CTNNA2: variants seen among roughly 807,000 people sequenced by gnomAD.
CTNNA2 encodes the protein catenin alpha 2, also known as catenin alpha-2.
A neutral mutation model predicts 101.0 loss-of-function variants in CTNNA2; 42 were observed. The ratio of observed to expected loss-of-function variants is 0.42; its 90% CI spans 0.32 to 0.54. CTNNA2 has a LOEUF of 0.54. Among genes scored for constraint, CTNNA2 ranks in the 20% least tolerant of loss-of-function variants. The pLI, the probability that CTNNA2 is intolerant of heterozygous loss-of-function variation, is 0.14. For missense variants in CTNNA2, 871 were observed against 1,223.1 expected (o/e 0.71, Z 4.29); for synonymous variants, 450 against 456.4 (o/e 0.99, Z 0.18).
intron 3 of CTNNA2, among the ~76,000 whole-genome samples, chr2:79,839,489 T>G (rs1474655470): frequency 2.0e-5 from 3 of 152,104 alleles, no homozygotes; most frequent in African/African-American, 7.2e-5. Context: ...CCAGCCATTA[T>G]CTCATAAAAA....
chr2:79,485,762 A>C (rs986453279), intron 4 of CTNNA2, among the ~76,000 whole-genome samples: 1 of 152,208 alleles, frequency 6.6e-6, no homozygotes, highest in Non-Finnish European at 1.5e-5. Flanking sequence ...CAGTACAGGC[A>C]ACATCTCCCC....
rs188313195 is a variant in CTNNA2, at chr2:80,458,693, A to G, written c.1290+39092A>G. The stretch of plus-strand genomic sequence containing the variant: ...CTGTTTGGAAAGGACCTTGAAGTTC[A>G]GCTTGTTCAACCACACACCAAAAGC... On this transcript the variant is annotated intron_variant, in intron 9 of 18. Transcript: ENST00000402739. Among the ~76,000 whole-genome samples, 41 of 152,316 alleles carry G rather than the reference A, an allele frequency of 2.7e-4. No individual in the cohort carries two copies. In the East Asian group the frequency reaches 4.6e-3, roughly 17 times the overall value.
chr2:79,486,181 G>C (rs569995871), intron 4 of CTNNA2, among the ~76,000 whole-genome samples: 8 of 151,694 alleles, frequency 5.3e-5, no homozygotes, highest in Admixed American at 2.0e-4. Flanking sequence ...CCATTAACTC[G>C]TCATTTAACA....
intron 9 of CTNNA2, among the ~76,000 whole-genome samples, chr2:80,446,308 T>C (rs1213146797): frequency 6.6e-6 from 1 of 152,170 alleles, no homozygotes; most frequent in Admixed American, 6.5e-5. Flanking sequence ...TGCATGTTTA[T>C]AAAGCTATCC....
At chr2:79,205,986 C>G (rs1470099387) in intron 2 of CTNNA2, among the ~76,000 whole-genome samples, 1 of 152,086 alleles carries the variant, frequency 6.6e-6, no homozygotes, top group Non-Finnish European at 1.5e-5. Flanking sequence ...AGGTTTCTGC[C>G]TTCCTAAGAA....
At chr2:80,581,923 A>C in intron 14 of CTNNA2, 104 bp downstream of exon 14, 2 of 683,900 alleles carry the variant, frequency 2.9e-6, no homozygotes, top group Non-Finnish European at 5.3e-6. Flanking sequence ...CCAGAGATTC[A>C]TGGGTCAGAA....
chr2:80,312,773 C>T (rs1042894920), intron 7 of CTNNA2, among the ~76,000 whole-genome samples: 5 of 152,184 alleles, frequency 3.3e-5, no homozygotes, highest in Non-Finnish European at 1.5e-5. Flanking sequence ...TTTGTCCTCA[C>T]AGATAAAATG....
intron 1 of CTNNA2, among the ~76,000 whole-genome samples, chr2:79,570,010 T>A (rs941539144): frequency 6.6e-6 from 1 of 152,184 alleles, no homozygotes; most frequent in Admixed American, 6.5e-5. Flanking sequence ...CATTACCTTA[T>A]AATATTTAGA....
chr2:79,342,971 A>G (rs1055688449), intron 3 of CTNNA2, among the ~76,000 whole-genome samples: 1 of 152,170 alleles, frequency 6.6e-6, no homozygotes, highest in Non-Finnish European at 1.5e-5. Context: ...AAATATTCTT[A>G]TGGAAAGAAA....
At chr2:79,937,795 G>C (rs1428668955) in intron 7 of CTNNA2, among the ~76,000 whole-genome samples, 49 of 152,130 alleles carry the variant, frequency 3.2e-4, no homozygotes, top group Admixed American at 3.1e-3. Context: ...AATTAAAAGA[G>C]GACTACATTT....
At chr2:79,381,383 A>T (rs1343228182) in intron 4 of CTNNA2, among the ~76,000 whole-genome samples, 3 of 152,214 alleles carry the variant, frequency 2.0e-5, no homozygotes, top group East Asian at 1.9e-4. Flanking sequence ...CACTGAAAAA[A>T]TTTTTACTTT....
At chr2:80,272,338 G>A (rs1673561679) in intron 7 of CTNNA2, among the ~76,000 whole-genome samples, 1 of 152,178 alleles carries the variant, frequency 6.6e-6, no homozygotes, top group Non-Finnish European at 1.5e-5. Flanking sequence ...CGTTCCATCT[G>A]TTAGCCAAAC....
intron 7 of CTNNA2, among the ~76,000 whole-genome samples, chr2:80,137,176 T>C (rs896029571): frequency 6.6e-6 from 1 of 152,102 alleles, no homozygotes; most frequent in Non-Finnish European, 1.5e-5. Context: ...TGTTATCTTA[T>C]AAGGCAGAAT....
chr2:80,446,074 A>G (rs915609803), intron 9 of CTNNA2, among the ~76,000 whole-genome samples: 1 of 152,220 alleles, frequency 6.6e-6, no homozygotes, highest in Non-Finnish European at 1.5e-5. Context: ...CAATAAATGT[A>G]TGGTGGTAGA....
At chr2:80,099,000 T>A (rs1004597958) in intron 7 of CTNNA2, among the ~76,000 whole-genome samples, 14 of 151,986 alleles carry the variant, frequency 9.2e-5, no homozygotes, top group Non-Finnish European at 1.3e-4. Flanking sequence ...CACGGTGCAT[T>A]GCACCCACTG....
At position 79,874,301 on chromosome 2, in the gene CTNNA2, A is replaced by G. The variant is rs780463058; in HGVS notation, c.811A>G (p.Thr271Ala). 2.5e-6 allele frequency: 4 copies of G among 1,613,970 alleles called. No homozygotes were observed. Among genetic ancestry groups the G allele is most frequent in the South Asian group, 1.1e-5 (1 of 91,062 alleles). Residue 271 changes from threonine to alanine, a missense_variant, in exon 6 of 19, where the codon ACG (threonine) becomes GCG (alanine). By Grantham distance (58) the Thr-to-Ala change is moderately conservative. Coordinates refer to ENST00000402739, the MANE Select transcript of CTNNA2 (RefSeq NM_001282597.3). ...GCCCACTGACGAAGCCAAGGGCCACACGGGCATCGGCGAGCTGGCTGCGGC... is the reference window on the plus strand; with the variant it reads ...GCCCACTGACGAAGCCAAGGGCCACGCGGGCATCGGCGAGCTGGCTGCGGC... ...TSPTDEAKGH[T>A]GIGELAAALN... is the part of the protein sequence containing the mutation.
chr2:80,418,091 T>G (rs1680193874), intron 8 of CTNNA2, among the ~76,000 whole-genome samples: 1 of 152,182 alleles, frequency 6.6e-6, no homozygotes, highest in East Asian at 1.9e-4. Context: ...CTAAATATCT[T>G]TTCCTCCATT....
intron 7 of CTNNA2, among the ~76,000 whole-genome samples, chr2:80,346,091 T>A (rs1487459458): frequency 6.6e-6 from 1 of 152,198 alleles, no homozygotes; most frequent in African/African-American, 2.4e-5. Flanking sequence ...GGAATTCAGA[T>A]CTGTTTATTT....
intron 1 of CTNNA2, among the ~76,000 whole-genome samples, chr2:79,521,862 G>C (rs1672137820): frequency 6.6e-6 from 1 of 152,112 alleles, no homozygotes; most frequent in Non-Finnish European, 1.5e-5. Flanking sequence ...GCATGAACTG[G>C]AGGGGCAGGG....
Sources: gnomAD v4.1 joint callset for allele counts (sites outside exome capture counted in the v4.1 genomes callset) on GRCh38, gnomAD v4.1.1 for gene constraint, MANE v1.5 for transcripts, NCBI Gene and HGNC (gene_info 2026-07-23, HGNC 2026-07-21) for gene names.